The following RELN variants were observed in gnomAD, a reference collection of about 807,000 sequenced individuals.
RELN encodes reelin.
In RELN, 108 loss-of-function variants were observed where a neutral mutation model predicts 427.6. The ratio of observed to expected loss-of-function variants is 0.25; its 90% confidence interval spans 0.22 to 0.30. The LOEUF (loss-of-function observed/expected upper bound fraction) is 0.30. RELN is among the 10% of genes least tolerant of loss of function. The probability of loss-of-function intolerance (pLI) is 1.00; values close to 1 mark genes in which losing one functional copy is unlikely to be tolerated. For missense variants in RELN, 3,715 were observed against 4,302.8 expected (o/e 0.86, Z 3.82); for synonymous variants, 1,524 against 1,513.4 (o/e 1.01, Z -0.16).
chr7:103,713,183 C>G (rs950561717), intron 8 of RELN, among the ~76,000 whole-genome samples: 2 of 152,146 alleles, frequency 1.3e-5, no homozygotes, highest in Non-Finnish European at 2.9e-5. Flanking sequence ...AGTGTCTGGA[C>G]AGAACCTTAT....
At chr7:103,497,643 A>G (rs1028454702) in intron 55 of RELN, among the ~76,000 whole-genome samples, 177 bp downstream of exon 55, 2 of 152,112 alleles carry the variant, frequency 1.3e-5, no homozygotes, top group Non-Finnish European at 2.9e-5. Flanking sequence ...CCCTTTTTGC[A>G]TAACACAGAA....
At chr7:103,922,822 T>C (rs946350775) in intron 1 of RELN, among the ~76,000 whole-genome samples, 5 of 152,164 alleles carry the variant, frequency 3.3e-5, no homozygotes, top group African/African-American at 1.2e-4. Flanking sequence ...TGCTCTATGG[T>C]CCATTAAATT....
intron 2 of RELN, among the ~76,000 whole-genome samples, chr7:103,858,941 C>G (rs1794009414): frequency 6.6e-6 from 1 of 152,150 alleles, no homozygotes; most frequent in Non-Finnish European, 1.5e-5. Context: ...GATGCAAACA[C>G]AGGCTTGCCT....
intron 2 of RELN, among the ~76,000 whole-genome samples, chr7:103,871,058 C>G (rs145856662): frequency 9.5e-4 from 144 of 152,138 alleles, no homozygotes; most frequent in African/African-American, 3.4e-3. Context: ...GTTACACTGC[C>G]TGTTGTCCAG....
chr7:103,602,712 A>G (rs889662187), intron 24 of RELN, among the ~76,000 whole-genome samples: 2 of 152,168 alleles, frequency 1.3e-5, no homozygotes, highest in Non-Finnish European at 2.9e-5. Context: ...GGATAACATT[A>G]GGAGAAATAC....
chr7:103,525,747 A>G (rs1208335744), intron 46 of RELN, among the ~76,000 whole-genome samples: 1 of 150,346 alleles, frequency 6.7e-6, no homozygotes, highest in Admixed American at 6.6e-5. Context: ...ATATCTCTGT[A>G]TCCCTTAGGG....
chr7:103,616,662 A>G (rs1485424653), intron 20 of RELN, among the ~76,000 whole-genome samples: 1 of 152,094 alleles, frequency 6.6e-6, no homozygotes, highest in Non-Finnish European at 1.5e-5. Flanking sequence ...ATGTGTACAC[A>G]CACATACTTT....
rs535818291 is a variant in RELN, at chr7:103,875,142, A to G, written c.338-41470T>C. On this transcript the variant is annotated intron_variant, in intron 2 of 64. Transcript: ENST00000428762. ...CTATTTAATAAATTGTGCTGGGAAAACTGGCTAGCCATATGTAGGAAGCTG... is the reference window on the plus strand; with the variant it reads ...CTATTTAATAAATTGTGCTGGGAAAGCTGGCTAGCCATATGTAGGAAGCTG... Among the ~76,000 whole-genome samples the G allele has an allele frequency of 1.8e-4, 27 of 147,086 alleles. 1 individual carries two copies. Among genetic ancestry groups the G allele is most frequent in the Non-Finnish European group, 3.0e-4 (20 of 66,320 alleles).
chr7:103,514,763 GACATGAAATGCCATT>G (rs1366444326), intron 50 of RELN, among the ~76,000 whole-genome samples: 1 of 152,152 alleles, frequency 6.6e-6, no homozygotes, highest in South Asian at 2.1e-4. Flanking sequence ...CATGACCTAA[GACATGAAATGCCATT>G]ACAAATGTGT....
chr7:103,594,439 C>T lies in RELN; in HGVS notation c.3593G>A (p.Arg1198His), dbSNP rs114655373. The change falls in exon 26 of 65, where the codon CGC becomes CAC. Residue 1198 changes from arginine (R) to histidine (H), a missense_variant. By Grantham distance (29) the Arg-to-His change is conservative. Transcript: ENST00000428762. The stretch of plus-strand genomic sequence containing the variant: ...CCCTGAGAACACGGGCTGCCACCAG[C>T]GGAACCTGGTGCAAGGGGTCTTGGC... ...AAAKTPCTRFRWWQPVFSGED... is the reference protein window; with the variant it reads ...AAAKTPCTRFHWWQPVFSGED... 1.5e-5 allele frequency: 24 copies of T among 1,613,784 alleles called. No individual in the cohort carries two copies. Among genetic ancestry groups the T allele is most frequent in the Admixed American group, 5.0e-5 (3 of 59,984 alleles).
In RELN at chr7:103,614,337, T is replaced by C. The variant is rs749234629; in HGVS notation, c.2703-2534A>G. Among the ~76,000 whole-genome samples, 105 of 152,182 alleles carry C rather than the reference T, an allele frequency of 6.9e-4. 1 individual carries two copies. The highest frequency in any genetic ancestry group is 1.9e-3 in the Admixed American group (29 of 15,272). On this transcript the variant is annotated intron_variant, in intron 20 of 64. Coordinates refer to ENST00000428762, the MANE Select transcript of RELN (RefSeq NM_005045.4). Reference sequence around the variant, plus strand: ...TTCCTTTTAGTCACTATCCAGTGATTGGTCTAGGGGTGGCCATGTGTCCAG... The same window carrying C: ...TTCCTTTTAGTCACTATCCAGTGATCGGTCTAGGGGTGGCCATGTGTCCAG...
intron 1 of RELN, among the ~76,000 whole-genome samples, chr7:103,949,015 T>C (rs553422644): frequency 2.5e-5 from 3 of 121,656 alleles, no homozygotes; most frequent in Non-Finnish European, 4.9e-5. Context: ...GAATGAGACA[T>C]TGTCTCCAAA....
At chr7:103,867,671 C>G (rs1434008825) in intron 2 of RELN, among the ~76,000 whole-genome samples, 1 of 151,940 alleles carries the variant, frequency 6.6e-6, no homozygotes, top group Non-Finnish European at 1.5e-5. Context: ...TTTAAAAAAT[C>G]TTGGTGTTGT....
chr7:103,496,184 G>A (rs1050287957), intron 56 of RELN, among the ~76,000 whole-genome samples: 8 of 102,100 alleles, frequency 7.8e-5, no homozygotes, highest in African/African-American at 1.7e-4. Flanking sequence ...ACCTAGCACC[G>A]AAAAGTTCTT....
In RELN at chr7:103,920,567, G is replaced by T. The variant is rs375060203; in HGVS notation, c.227-3382C>A. On this transcript the variant is annotated intron_variant, in intron 1 of 64. Coordinates refer to ENST00000428762, the MANE Select transcript of RELN (RefSeq NM_005045.4). The stretch of plus-strand genomic sequence containing the variant: ...CACATGTTTGTTGTACCAGTCTTTG[G>T]TTTTTTTTTTTGTTTTTTTTTTTTT... Among the ~76,000 whole-genome samples the T allele has an allele frequency of 7.7e-3, 1,030 of 134,122 alleles. 17 individuals carry two copies. The highest frequency in any genetic ancestry group is 0.026 in the African/African-American group (884 of 34,116). 88.0% of individuals were successfully genotyped at this position (134,122 alleles called of 152,430 possible). A position where few individuals can be genotyped will look rare whatever the true frequency, so the allele number is the denominator to read the frequency against.
chr7:103,799,683 C>T (rs189333134), intron 3 of RELN, among the ~76,000 whole-genome samples: 14 of 152,328 alleles, frequency 9.2e-5, no homozygotes, highest in Non-Finnish European at 1.3e-4. Flanking sequence ...CTTATTCCAG[C>T]TGCTCACTGT....
At chr7:103,627,418 G>A (rs1052667905) in intron 20 of RELN, among the ~76,000 whole-genome samples, 6 of 151,936 alleles carry the variant, frequency 3.9e-5, no homozygotes, top group Non-Finnish European at 2.9e-5. Flanking sequence ...TTAAATCTTG[G>A]ACAATGTATT....
chr7:103,703,360 T>G (rs1475109228), intron 8 of RELN, among the ~76,000 whole-genome samples: 1 of 152,200 alleles, frequency 6.6e-6, no homozygotes. Context: ...TCCCATAGAC[T>G]TTGGTCAGCA....
chr7:103,979,673 A>G (rs1278278168), intron 1 of RELN, among the ~76,000 whole-genome samples: 3 of 152,240 alleles, frequency 2.0e-5, no homozygotes, highest in South Asian at 2.1e-4. Context: ...ACCGTGTGCC[A>G]CATCATTCAG....
Sources: gnomAD v4.1 joint callset for allele counts (sites outside exome capture counted in the v4.1 genomes callset) on GRCh38, gnomAD v4.1.1 for gene constraint, MANE v1.5 for transcripts, NCBI Gene and HGNC (gene_info 2026-07-23, HGNC 2026-07-21) for gene names.